Variants in NEK3 observed in about 807,000 individuals in gnomAD.
The protein encoded by NEK3 is NIMA related kinase 3.
A neutral mutation model predicts 66.0 loss-of-function variants in NEK3; 54 were observed. The ratio of observed to expected loss-of-function variants is 0.82; its 90% confidence interval spans 0.66 to 1.03. The LOEUF is 1.03. NEK3 is among the 50% of genes least tolerant of loss of function. The probability of loss-of-function intolerance (pLI) is 0.00; values close to 1 mark genes in which losing one functional copy is unlikely to be tolerated. For missense variants in NEK3, 593 were observed against 603.0 expected (o/e 0.98, Z 0.17); for synonymous variants, 200 against 206.2 (o/e 0.97, Z 0.26).
At chr13:52,155,224 G>T (rs1350268337) in intron 2 of NEK3, among the ~76,000 whole-genome samples, 1 of 152,064 alleles carries the variant, frequency 6.6e-6, no homozygotes, top group Non-Finnish European at 1.5e-5. Context: ...AGCACTCTGA[G>T]AACTTTATTA....
chr13:52,138,190 T>C (rs1956219894), intron 11 of NEK3, among the ~76,000 whole-genome samples: 1 of 152,032 alleles, frequency 6.6e-6, no homozygotes, highest in Non-Finnish European at 1.5e-5. Context: ...CCACCTAAAA[T>C]TTTTAATTTT....
At chr13:52,141,409 A>T (rs1956249042) in intron 10 of NEK3, among the ~76,000 whole-genome samples, 1 of 152,200 alleles carries the variant, frequency 6.6e-6, no homozygotes, top group Non-Finnish European at 1.5e-5. Flanking sequence ...TAGCTAGTGG[A>T]GTCCGTGCTT....
intron 10 of NEK3, among the ~76,000 whole-genome samples, chr13:52,143,636 G>A (rs1956269230): frequency 1.3e-5 from 2 of 152,134 alleles, no homozygotes; most frequent in Non-Finnish European, 2.9e-5. Flanking sequence ...CCTTCTACCT[G>A]ACCTACACAA....
intron 10 of NEK3, among the ~76,000 whole-genome samples, chr13:52,143,591 C>A (rs1956268636): frequency 2.0e-5 from 3 of 152,224 alleles, no homozygotes; most frequent in Admixed American, 2.0e-4. Context: ...GCTATATTTT[C>A]ATGGATAGAT....
chr13:52,149,679 C>T (rs1956324933), intron 7 of NEK3, among the ~76,000 whole-genome samples: 1 of 152,042 alleles, frequency 6.6e-6, no homozygotes, highest in Non-Finnish European at 1.5e-5. Flanking sequence ...ACCAGCCTGG[C>T]CAATATGGTG....
In NEK3 at chr13:52,136,807, TTC is replaced by T. The variant is rs750827042; in HGVS notation, c.1021_1022del (p.Glu341ArgfsTer4). 3.6e-5 allele frequency: 56 copies of T among 1,549,816 alleles called. No homozygotes were observed. Among genetic ancestry groups the T allele is most frequent in the Non-Finnish European group, 4.4e-5 (50 of 1,144,318 alleles). On this transcript the variant is annotated frameshift_variant, in exon 12 of 16. Transcript: ENST00000610828. LOFTEE classifies it high-confidence loss of function. ...VESALRRVNR[E>X]EKGNKSVHLR... is the part of the protein sequence containing the mutation. ...AGAATTTGAATAACTTACCTTTTTC[TTC>T]TCTGTTTACTCTTCTCAATGCACTT...
rs746815243 is a variant in NEK3 at position 52,148,443 on chromosome 13, A to G, written c.575T>C (p.Leu192Pro). Reference protein sequence around the residue: ...KSDIWSLGCILYELCTLKHPF... With the variant: ...KSDIWSLGCIPYELCTLKHPF... ...ATGCTTAAGGGTACAGAGTTCATACAGGATGCAACCCAAGGACCAGATGTC... is the reference window on the plus strand; with the variant it reads ...ATGCTTAAGGGTACAGAGTTCATACGGGATGCAACCCAAGGACCAGATGTC... Residue 192 changes from leucine to proline, a missense_variant, in exon 8 of 16, where the codon CTG (leucine) becomes CCG (proline). Transcript: ENST00000610828. 1.9e-6 allele frequency: 3 copies of G among 1,613,760 alleles called. No individual in the cohort carries two copies. The highest frequency in any genetic ancestry group is 2.2e-5 in the South Asian group (2 of 91,018).
chr13:52,152,840 A>G, intron 4 of NEK3, 148 bp from the exon 5 acceptor site: 1 of 493,872 alleles, frequency 2.0e-6, no homozygotes. Flanking sequence ...TAGTTCAACT[A>G]AGATTCAGTG....
In NEK3 at chr13:52,156,153, G is replaced by T; in HGVS notation, c.39C>A (p.Gly13=). 1 of 1,605,384 alleles carries T rather than the reference G, an allele frequency of 6.2e-7. No individual in the cohort carries two copies. The highest frequency in any genetic ancestry group is 8.5e-7 in the Non-Finnish European group (1 of 1,175,716). The change falls in exon 2 of 16, where the codon GGC becomes GGA. Residue 13 remains glycine (G), a synonymous_variant. Transcript: ENST00000610828. The part of the protein sequence containing the change: ...DYMVLRMIGE[G]SFGRALLVQH... ...GAACCAAAAGAGCTCTGCCGAAGGA[G>T]CCCTCCCCAATCATTCTCAGGACCA...
At chr13:52,146,680 G>A (rs1029500256) in intron 8 of NEK3, among the ~76,000 whole-genome samples, 1 of 152,150 alleles carries the variant, frequency 6.6e-6, no homozygotes, top group Admixed American at 6.5e-5. Context: ...TAATGCCCAG[G>A]ACATTTTCAG....
chr13:52,135,656 TTATGTTATATA>T lies in NEK3; in HGVS notation c.1309+62_1309+72del, dbSNP rs1473230297. 61 of 1,356,582 alleles carry T rather than the reference TTATGTTATATA, an allele frequency of 4.5e-5. No individual in the cohort carries two copies. The East Asian group carries it at 1.5e-3, about 33-fold the overall frequency. 84.0% of individuals were successfully genotyped at this position (1,356,582 alleles called of 1,614,324 possible). On this transcript the variant is annotated intron_variant, in intron 14 of 15. Transcript: ENST00000610828. ...CCTTAAAATGGTTCAAATGTAAATTTTATGTTATATATATTTGCCACAATTTTCAAAAAGTC... is the reference window on the plus strand; with the variant it reads ...CCTTAAAATGGTTCAAATGTAAATTTTATTTGCCACAATTTTCAAAAAGTC...
rs777098272 is a variant in NEK3, at chr13:52,151,155, T to A, written c.539A>T (p.Asn180Ile). 5.0e-5 allele frequency: 80 copies of A among 1,606,846 alleles called. No homozygotes were observed. Among genetic ancestry groups the A allele is most frequent in the Non-Finnish European group, 6.6e-5 (78 of 1,176,702 alleles). ...AATATGCAGCACTCACCTTTTATTG[T>A]TATAAGGCAGGTTTTCCCAAATTTC... ...PPEIWENLPY[N>I]NKSDIWSLGC... Residue 180 changes from asparagine (N) to isoleucine (I), a missense_variant, in exon 7 of 16, where the codon AAC becomes ATC. Asn to Ile is a moderately radical substitution (Grantham distance 149). Transcript: ENST00000610828.
chr13:52,135,956 T>C lies in NEK3; in HGVS notation c.1175-93A>G. The C allele has an allele frequency of 3.3e-6, 5 of 1,516,806 alleles. No homozygotes were observed. In the South Asian group the frequency reaches 6.2e-5, roughly 19 times the overall value. 94.0% of individuals were successfully genotyped at this position (1,516,806 alleles called of 1,614,324 possible). The stretch of plus-strand genomic sequence containing the variant: ...ATATTTTCAAGCGAAGTTAGTTATA[T>C]TTGACTGTTAACTAAAATCTGCTTC... On this transcript the variant is annotated intron_variant, in intron 13 of 15. Coordinates refer to ENST00000610828, the MANE Select transcript of NEK3 (RefSeq NM_002498.3).
chr13:52,141,144 T>G, intron 10 of NEK3, 75 bp from the exon 11 acceptor site: 2 of 1,360,972 alleles, frequency 1.5e-6, no homozygotes, highest in Non-Finnish European at 2.0e-6. Context: ...AATATGATTT[T>G]CATACAGCTG....
chr13:52,137,693 A>G (rs935612238), intron 11 of NEK3, among the ~76,000 whole-genome samples: 1 of 152,194 alleles, frequency 6.6e-6, no homozygotes, highest in African/African-American at 2.4e-5. Context: ...GGTGAGGGGC[A>G]GCTGTGAAAA....
Position 52,154,212 on chromosome 13 carries a change from C to T in NEK3, c.118-39G>A, listed in dbSNP as rs1342134046. The T allele has an allele frequency of 3.2e-6, 4 of 1,253,746 alleles. No homozygotes were observed. In the Admixed American group the frequency reaches 6.8e-5, roughly 21 times the overall value. The allele number at this position is 1,253,746 out of a possible 1,614,324, so 77.7% of individuals were successfully genotyped here. On this transcript the variant is annotated intron_variant, in intron 2 of 15. Transcript: ENST00000610828. The stretch of plus-strand genomic sequence containing the variant: ...TTAAATAAGCATAAACTTAATACTG[C>T]ATTTTAAAATACATAACTTTACAAT...
At chr13:52,149,774 C>T (rs548376347) in intron 7 of NEK3, among the ~76,000 whole-genome samples, 1 of 151,482 alleles carries the variant, frequency 6.6e-6, no homozygotes, top group South Asian at 2.1e-4. Context: ...GAAGCTGAGG[C>T]AGGAGAATCA....
At position 52,156,147 on chromosome 13, in the gene NEK3, G is replaced by T. The variant is rs766319205; in HGVS notation, c.45C>A (p.Phe15Leu). Reference protein sequence around the residue: ...MVLRMIGEGSFGRALLVQHES... With the variant: ...MVLRMIGEGSLGRALLVQHES... The stretch of plus-strand genomic sequence containing the variant: ...CATGCTGAACCAAAAGAGCTCTGCC[G>T]AAGGAGCCCTCCCCAATCATTCTCA... Residue 15 changes from phenylalanine to leucine, a missense_variant, in exon 2 of 16, where the codon TTC becomes TTA. Physicochemically the swap from Phe to Leu is conservative, Grantham distance 22. Coordinates refer to ENST00000610828, the MANE Select transcript of NEK3 (RefSeq NM_002498.3). 2 of 1,606,188 alleles carry T rather than the reference G, an allele frequency of 1.2e-6. No individual in the cohort carries two copies. The highest frequency in any genetic ancestry group is 1.7e-6 in the Non-Finnish European group (2 of 1,176,158).
intron 8 of NEK3, among the ~76,000 whole-genome samples, chr13:52,146,730 A>G (rs918140864): frequency 2.6e-5 from 4 of 152,220 alleles, no homozygotes; most frequent in African/African-American, 9.6e-5. Flanking sequence ...CCTAGGCATC[A>G]GCATTTTAAA....
Sources: allele counts gnomAD v4.1 joint callset (sites outside exome capture counted in the v4.1 genomes callset), GRCh38; gene constraint gnomAD v4.1.1; transcripts MANE v1.5; gene names NCBI Gene and HGNC (gene_info 2026-07-23, HGNC 2026-07-21).